EYA2: variants seen among roughly 807,000 people sequenced by gnomAD.
EYA2 encodes the protein EYA transcriptional coactivator and phosphatase 2, also known as protein phosphatase EYA2.
In EYA2, 31 loss-of-function variants were observed where a neutral mutation model predicts 69.2. That is an observed-to-expected ratio of 0.45 (90% CI 0.34 to 0.60). The LOEUF (loss-of-function observed/expected upper bound fraction) is 0.60. Among genes scored for constraint, EYA2 ranks in the 20% least tolerant of loss-of-function variants. The probability of loss-of-function intolerance (pLI) is 0.02; values close to 1 mark genes in which losing one functional copy is unlikely to be tolerated. For missense variants in EYA2, 622 were observed against 701.2 expected, an observed-to-expected ratio of 0.89 and a Z score of 1.28; for synonymous variants, 257 against 279.4, an observed-to-expected ratio of 0.92 and a Z score of 0.80.
chr20:46,986,865 C>G (rs886553541), intron 1 of EYA2, among the ~76,000 whole-genome samples: 4 of 152,242 alleles, frequency 2.6e-5, no homozygotes, highest in Admixed American at 1.3e-4. Flanking sequence ...TCCCACTAGC[C>G]CCACAACACT....
chr20:47,156,109 C>A (rs1600751641), intron 10 of EYA2, among the ~76,000 whole-genome samples: 1 of 20,212 alleles, frequency 4.9e-5, no homozygotes, highest in African/African-American at 3.1e-4. Context: ...CACACACACA[C>A]ACACACACAC....
chr20:46,960,595 G>C (rs1309325009), intron 1 of EYA2, among the ~76,000 whole-genome samples: 1 of 152,172 alleles, frequency 6.6e-6, no homozygotes, highest in Non-Finnish European at 1.5e-5. Flanking sequence ...CTGCTCTAGT[G>C]CAGGGGAGGA....
chr20:47,105,882 TGAAA>T (rs1489114056), intron 9 of EYA2, among the ~76,000 whole-genome samples: 1 of 152,144 alleles, frequency 6.6e-6, no homozygotes, highest in African/African-American at 2.4e-5. Flanking sequence ...AAATCGATCA[TGAAA>T]GAAAATCAAA....
At chr20:47,014,477 G>C (rs933776563) in intron 4 of EYA2, among the ~76,000 whole-genome samples, 3 of 152,178 alleles carry the variant, frequency 2.0e-5, no homozygotes, top group African/African-American at 7.2e-5. Flanking sequence ...GGAGAAGCAG[G>C]ACTCACTCAG....
intron 5 of EYA2, among the ~76,000 whole-genome samples, chr20:47,033,957 C>T (rs1241471649): frequency 6.6e-6 from 1 of 152,218 alleles, no homozygotes; most frequent in Non-Finnish European, 1.5e-5. Flanking sequence ...AAGTGGCACT[C>T]AAAGTCATTG....
At chr20:47,110,452 G>A (rs2032716636) in intron 9 of EYA2, among the ~76,000 whole-genome samples, 1 of 152,006 alleles carries the variant, frequency 6.6e-6, no homozygotes, top group African/African-American at 2.4e-5. Flanking sequence ...CTTTCCCCAG[G>A]CTGGTCTCGA....
chr20:47,000,465 C>T (rs1488206185), intron 2 of EYA2, among the ~76,000 whole-genome samples: 2 of 152,164 alleles, frequency 1.3e-5, no homozygotes, highest in Non-Finnish European at 2.9e-5. Flanking sequence ...GTGATGATGA[C>T]GCAGCCACTG....
chr20:47,172,622 G>T, intron 11 of EYA2, 85 bp from the exon 12 acceptor site: 2 of 1,453,154 alleles, frequency 1.4e-6, no homozygotes, highest in South Asian at 1.4e-5. Flanking sequence ...GCCCACCCGT[G>T]GGTCCCACAG....
At chr20:47,186,746 C>G (rs1357083618) in intron 15 of EYA2, among the ~76,000 whole-genome samples, 1 of 152,196 alleles carries the variant, frequency 6.6e-6, no homozygotes, top group Non-Finnish European at 1.5e-5. Flanking sequence ...AAAAAAGAGG[C>G]TGCTTCCTCT....
intron 7 of EYA2, among the ~76,000 whole-genome samples, chr20:47,083,695 A>G (rs2031800842): frequency 1.3e-5 from 2 of 152,204 alleles, no homozygotes; most frequent in South Asian, 2.1e-4. Context: ...ATCTTCTACA[A>G]GAAAACATAG....
Position 47,065,107 on chromosome 20 carries a change from C to T in EYA2, c.416-7078C>T, listed in dbSNP as rs148273252. 8.5e-3 allele frequency among the ~76,000 whole-genome samples: 1,289 copies of T among 152,264 alleles called. 19 individuals are homozygous for T. Among genetic ancestry groups the T allele is most frequent in the African/African-American group, 0.03 (1,229 of 41,530 alleles). On this transcript the variant is annotated intron_variant, in intron 5 of 15. Transcript: ENST00000327619. ...ATCTCATGAGACTTATTCACTATCACCAGAACAGCATGGGAAAGATCTGCC... is the reference window on the plus strand; with the variant it reads ...ATCTCATGAGACTTATTCACTATCATCAGAACAGCATGGGAAAGATCTGCC...
intron 5 of EYA2, among the ~76,000 whole-genome samples, chr20:47,034,522 T>G (rs1227203019): frequency 6.6e-6 from 1 of 152,196 alleles, no homozygotes; most frequent in Non-Finnish European, 1.5e-5. Flanking sequence ...GGGATGTGCT[T>G]TGCTGTGGGT....
chr20:47,049,959 G>A (rs950766138), intron 5 of EYA2, among the ~76,000 whole-genome samples: 5 of 151,780 alleles, frequency 3.3e-5, no homozygotes, highest in Admixed American at 1.3e-4. Flanking sequence ...CAATATGGGC[G>A]TGTCTCCTGT....
chr20:46,932,714 C>T (rs556721166), intron 1 of EYA2, among the ~76,000 whole-genome samples: 1 of 152,250 alleles, frequency 6.6e-6, no homozygotes, highest in East Asian at 1.9e-4. Flanking sequence ...GAAACCCTGT[C>T]TCTAGTAAAA....
chr20:47,079,337 T>C (rs1436904824), intron 7 of EYA2, among the ~76,000 whole-genome samples: 1 of 152,192 alleles, frequency 6.6e-6, no homozygotes, highest in African/African-American at 2.4e-5. Context: ...TGAACTAAAA[T>C]TGAGGGGTCA....
At chr20:46,981,698 C>G (rs1980843338) in intron 1 of EYA2, among the ~76,000 whole-genome samples, 1 of 151,860 alleles carries the variant, frequency 6.6e-6, no homozygotes, top group Admixed American at 6.6e-5. Context: ...ATTGTATGTC[C>G]CTGTAAATCT....
intron 9 of EYA2, among the ~76,000 whole-genome samples, chr20:47,116,729 C>T (rs978947842): frequency 6.6e-6 from 1 of 152,202 alleles, no homozygotes; most frequent in Non-Finnish European, 1.5e-5. Flanking sequence ...GTCAACAGCC[C>T]TTCCTGAGAT....
chr20:47,169,844 G>A (rs940590487), intron 11 of EYA2, among the ~76,000 whole-genome samples: 2 of 152,050 alleles, frequency 1.3e-5, no homozygotes, highest in Non-Finnish European at 2.9e-5. Context: ...AGCAGTCTTC[G>A]TAAGGAGGCA....
intron 5 of EYA2, among the ~76,000 whole-genome samples, chr20:47,052,112 AC>A (rs2030372844): frequency 6.6e-6 from 1 of 152,182 alleles, no homozygotes; most frequent in Admixed American, 6.5e-5. Flanking sequence ...TCTCCCATGA[AC>A]AAAAGACAGC....
Sources: gnomAD v4.1 joint callset for allele counts (sites outside exome capture counted in the v4.1 genomes callset) on GRCh38, gnomAD v4.1.1 for gene constraint, MANE v1.5 for transcripts, NCBI Gene and HGNC (gene_info 2026-07-23, HGNC 2026-07-21) for gene names.